Variants in CDH12 observed in about 807,000 individuals in gnomAD.
The protein encoded by CDH12 is cadherin 12, also known as cadherin-12.
CDH12 carries 41 observed loss-of-function variants against 74.1 expected under a neutral mutation model. The observed-to-expected ratio is 0.55, with a 90% CI of 0.43 to 0.72. CDH12 has a LOEUF of 0.72. Among genes scored for constraint, CDH12 ranks in the 30% least tolerant of loss-of-function variants. The pLI, the probability that CDH12 is intolerant of heterozygous loss-of-function variation, is 0.00. For synonymous variants in CDH12, 399 were observed against 355.0 expected, an observed-to-expected ratio of 1.12 and a Z score of -1.39; for missense variants, 945 against 977.2, an observed-to-expected ratio of 0.97 and a Z score of 0.44.
chr5:22,287,334 G>T (rs886519068), intron 3 of CDH12, among the ~76,000 whole-genome samples: 1 of 152,020 alleles, frequency 6.6e-6, no homozygotes, highest in African/African-American at 2.4e-5. Flanking sequence ...TGTTAAGGTA[G>T]CTCAGAAAGA....
intron 1 of CDH12, among the ~76,000 whole-genome samples, chr5:22,546,829 A>G (rs1016301986): frequency 2.0e-5 from 3 of 152,206 alleles, no homozygotes; most frequent in Non-Finnish European, 4.4e-5. Context: ...GGCCCCATTT[A>G]AAATCTTAAC....
intron 1 of CDH12, among the ~76,000 whole-genome samples, chr5:22,723,995 C>A (rs190269085): frequency 6.6e-6 from 1 of 151,872 alleles, no homozygotes. Flanking sequence ...ATACCGTTTT[C>A]TCAGTTTTAC....
chr5:22,383,401 G>C (rs748623321), intron 3 of CDH12, among the ~76,000 whole-genome samples: 3 of 152,142 alleles, frequency 2.0e-5, no homozygotes, highest in Non-Finnish European at 2.9e-5. Context: ...TGAATTTTGT[G>C]AATGTTAGTT....
intron 1 of CDH12, among the ~76,000 whole-genome samples, chr5:22,645,912 TAATA>T (rs1345411659): frequency 6.6e-6 from 1 of 151,956 alleles, no homozygotes; most frequent in Non-Finnish European, 1.5e-5. Flanking sequence ...ATTGCATACA[TAATA>T]AATTACAGTA....
intron 1 of CDH12, among the ~76,000 whole-genome samples, chr5:22,837,198 C>T (rs932257599): frequency 3.3e-5 from 5 of 152,138 alleles, no homozygotes; most frequent in African/African-American, 7.2e-5. Flanking sequence ...GGAGGAGGAT[C>T]GCTTGAGCTC....
At chr5:22,297,486 G>C (rs1429404414) in intron 3 of CDH12, among the ~76,000 whole-genome samples, 1 of 152,128 alleles carries the variant, frequency 6.6e-6, no homozygotes, top group Non-Finnish European at 1.5e-5. Context: ...GATTAGAGTA[G>C]AATCAGAATT....
At chr5:21,965,857 G>A (rs890955634) in intron 6 of CDH12, among the ~76,000 whole-genome samples, 1 of 151,914 alleles carries the variant, frequency 6.6e-6, no homozygotes, top group Non-Finnish European at 1.5e-5. Flanking sequence ...ATCCAATATC[G>A]AGTTGTTCTT....
chr5:21,915,903 GA>G (rs1209027531), intron 6 of CDH12, among the ~76,000 whole-genome samples: 1 of 146,482 alleles, frequency 6.8e-6, no homozygotes, highest in South Asian at 2.2e-4. Flanking sequence ...GTTAGGAAAG[GA>G]AAAAAAATAA....
chr5:22,272,887 G>C (rs1035420972), intron 3 of CDH12, among the ~76,000 whole-genome samples: 2 of 152,182 alleles, frequency 1.3e-5, no homozygotes, highest in African/African-American at 4.8e-5. Flanking sequence ...CTGGATGGCT[G>C]GGGAGGCCTC....
intron 6 of CDH12, among the ~76,000 whole-genome samples, chr5:21,966,627 C>A (rs1756598006): frequency 6.6e-6 from 1 of 152,088 alleles, no homozygotes; most frequent in Admixed American, 6.6e-5. Flanking sequence ...TAAAATAAAA[C>A]ATTTGGCAAG....
chr5:22,498,392 A>G (rs1348521291), intron 2 of CDH12, among the ~76,000 whole-genome samples: 1 of 152,134 alleles, frequency 6.6e-6, no homozygotes, highest in African/African-American at 2.4e-5. Context: ...CACAACCCAG[A>G]GAAGAATCCT....
chr5:22,518,226 T>C (rs1736890406), intron 1 of CDH12, among the ~76,000 whole-genome samples: 1 of 152,234 alleles, frequency 6.6e-6, no homozygotes, highest in South Asian at 2.1e-4. Context: ...GTGAAGGTCC[T>C]TAACAGAGTC....
intron 4 of CDH12, among the ~76,000 whole-genome samples, chr5:22,088,580 A>C (rs868062816): frequency 2.6e-5 from 4 of 152,176 alleles, no homozygotes; most frequent in Admixed American, 2.0e-4. Flanking sequence ...GTGTTGTTGC[A>C]TTGGTATAGA....
At chr5:21,944,074 T>C (rs1373588092) in intron 6 of CDH12, among the ~76,000 whole-genome samples, 2 of 152,188 alleles carry the variant, frequency 1.3e-5, no homozygotes, top group Non-Finnish European at 2.9e-5. Context: ...AATCAGATTG[T>C]AGAGACATTT....
chr5:22,344,493 T>C (rs1580545043), intron 3 of CDH12, among the ~76,000 whole-genome samples: 1 of 152,160 alleles, frequency 6.6e-6, no homozygotes, highest in South Asian at 2.1e-4. Flanking sequence ...AAGATAAGTT[T>C]CAATGTATTT....
intron 5 of CDH12, among the ~76,000 whole-genome samples, chr5:21,983,405 A>G (rs1005681247): frequency 2.6e-5 from 4 of 151,240 alleles, no homozygotes; most frequent in African/African-American, 9.7e-5. Flanking sequence ...TTCCCTTTTT[A>G]TTTTCATCTT....
intron 1 of CDH12, among the ~76,000 whole-genome samples, chr5:22,527,827 C>T (rs541010136): frequency 3.3e-5 from 5 of 152,218 alleles, no homozygotes; most frequent in South Asian, 2.1e-4. Flanking sequence ...GGTGATCTGT[C>T]GGTCCATGTT....
chr5:22,320,444 T>C (rs145126190), intron 3 of CDH12, among the ~76,000 whole-genome samples: 1 of 152,284 alleles, frequency 6.6e-6, no homozygotes, highest in Admixed American at 6.5e-5. Context: ...GGCTTTTCTC[T>C]ATTTCATGTC....
intron 2 of CDH12, among the ~76,000 whole-genome samples, chr5:22,422,385 C>T (rs1215716056): frequency 3.3e-5 from 5 of 151,826 alleles, no homozygotes; most frequent in Non-Finnish European, 7.4e-5. Flanking sequence ...TATTATGAAT[C>T]GCATTTATTA....
Sources: allele counts gnomAD v4.1 joint callset (sites outside exome capture counted in the v4.1 genomes callset), GRCh38; gene constraint gnomAD v4.1.1; transcripts MANE v1.5; gene names NCBI Gene and HGNC (gene_info 2026-07-23, HGNC 2026-07-21).